UGT1A8: variants seen among roughly 807,000 people sequenced by gnomAD.
UGT1A8 encodes the protein UDP-glucuronosyltransferase 1A8.
In UGT1A8, 39 loss-of-function variants were observed where a neutral mutation model predicts 45.3. That is an observed-to-expected ratio of 0.86 (90% CI 0.67 to 1.12). The LOEUF (loss-of-function observed/expected upper bound fraction) is 1.12, where lower values mean the gene tolerates loss of function less well. Among genes scored for constraint, UGT1A8 ranks in the 50% most tolerant of loss-of-function variants. The pLI, the probability that UGT1A8 is intolerant of heterozygous loss-of-function variation, is 0.00. For missense variants in UGT1A8, 719 were observed against 664.9 expected, an observed-to-expected ratio of 1.08 and a Z score of -0.90; for synonymous variants, 275 against 249.2, an observed-to-expected ratio of 1.10 and a Z score of -0.97.
rs192251895 is a variant in UGT1A8 at position 233,655,592 on chromosome 2, G to A, written c.855+37030G>A. The stretch of plus-strand genomic sequence containing the variant: ...GTCCTAGAAAAACTGTTAGAAAGAA[G>A]GGAAACTGTCTAGTGTGTTTCGCCA... On this transcript the variant is annotated intron_variant, in intron 1 of 4. Coordinates refer to ENST00000373450, the MANE Select transcript of UGT1A8 (RefSeq NM_019076.5). Among the ~76,000 whole-genome samples, 1,163 of 152,266 alleles carry A rather than the reference G, an allele frequency of 7.6e-3. 6 individuals are homozygous for A. Among genetic ancestry groups the A allele is most frequent in the Non-Finnish European group, 8.8e-3 (599 of 68,016 alleles).
At chr2:233,620,693 G>T (rs955812322) in intron 1 of UGT1A8, among the ~76,000 whole-genome samples, 1 of 152,162 alleles carries the variant, frequency 6.6e-6, no homozygotes, top group African/African-American at 2.4e-5. Flanking sequence ...TATGCATAAA[G>T]CCAGCAGAAT....
intron 1 of UGT1A8, among the ~76,000 whole-genome samples, chr2:233,749,910 CTG>C: frequency 6.6e-6 from 1 of 152,052 alleles, no homozygotes; most frequent in Non-Finnish European, 1.5e-5. Context: ...CCACCTGGAA[CTG>C]TGAGTCAATT....
intron 1 of UGT1A8, among the ~76,000 whole-genome samples, chr2:233,702,957 A>G (rs1394340118): frequency 6.6e-6 from 1 of 152,176 alleles, no homozygotes; most frequent in East Asian, 1.9e-4. Flanking sequence ...TCTGAATATT[A>G]CTGGCCTTGT....
At chr2:233,630,194 T>A (rs1410501732) in intron 1 of UGT1A8, among the ~76,000 whole-genome samples, 1 of 152,116 alleles carries the variant, frequency 6.6e-6, no homozygotes, top group African/African-American at 2.4e-5. Flanking sequence ...GGGAGGTAGA[T>A]CACTGACCAT....
intron 1 of UGT1A8, chr2:233,756,419 A>G (rs760544825): frequency 6.6e-6 from 1 of 151,366 alleles, no homozygotes; most frequent in Non-Finnish European, 1.5e-5. Context: ...TATTATTTGT[A>G]CTGTTTTTTT....
intron 1 of UGT1A8, among the ~76,000 whole-genome samples, chr2:233,756,741 C>T (rs1366742518): frequency 6.6e-6 from 1 of 152,100 alleles, no homozygotes; most frequent in Admixed American, 6.6e-5. Context: ...TTCACCTCCT[C>T]CTTATTCTCT....
intron 1 of UGT1A8, among the ~76,000 whole-genome samples, chr2:233,673,160 G>A (rs1042017198): frequency 6.6e-6 from 1 of 152,050 alleles, no homozygotes; most frequent in African/African-American, 2.4e-5. Flanking sequence ...TTTTAAAAAA[G>A]TACTTTAGGT....
intron 1 of UGT1A8, among the ~76,000 whole-genome samples, chr2:233,766,527 C>T (rs182363342): frequency 4.6e-5 from 7 of 152,118 alleles, no homozygotes; most frequent in Non-Finnish European, 7.3e-5. Context: ...AACATTTAGG[C>T]AGGAAAACAA....
chr2:233,772,895 C>T lies in UGT1A8; in HGVS notation c.*336C>T. 1 of 493,846 alleles carries T rather than the reference C, an allele frequency of 2.0e-6. No homozygotes were observed. The highest frequency in any genetic ancestry group is 3.3e-6 in the Non-Finnish European group (1 of 304,584). 30.6% of individuals were successfully genotyped at this position (493,846 alleles called of 1,614,324 possible). A position where few individuals can be genotyped will look rare whatever the true frequency, so the allele number is the denominator to read the frequency against. ...GGAGTGCGGGATTCAAAGGTGGTCC[C>T]ACGGCTGCCCCTACTGCAAATGGCA... On this transcript the variant is annotated 3_prime_UTR_variant, in exon 5 of 5. Transcript: ENST00000373450.
rs755797385 is a variant in UGT1A8 at position 233,618,510 on chromosome 2, A to G, written c.803A>G (p.Asn268Ser). 6.8e-6 allele frequency: 11 copies of G among 1,613,820 alleles called. No homozygotes were observed. The highest frequency in any genetic ancestry group is 3.3e-5 in the South Asian group (3 of 91,070). Residue 268 changes from asparagine to serine, a missense_variant, in exon 1 of 5, where the codon AAT becomes AGT. Coordinates refer to ENST00000373450, the MANE Select transcript of UGT1A8 (RefSeq NM_019076.5). ...GACTATCCCAAACCCGTGATGCCCA[A>G]TATGATCTTCATTGGTGGTATCAAC... ...VLDYPKPVMP[N>S]MIFIGGINCH...
chr2:233,710,157 C>G (rs2076114557), intron 1 of UGT1A8, among the ~76,000 whole-genome samples: 1 of 152,134 alleles, frequency 6.6e-6, no homozygotes, highest in Non-Finnish European at 1.5e-5. Flanking sequence ...TCATCATTTG[C>G]TTATGCATTT....
chr2:233,771,951 C>T (rs1331596370), intron 4 of UGT1A8, among the ~76,000 whole-genome samples: 1 of 152,070 alleles, frequency 6.6e-6, no homozygotes, highest in African/African-American at 2.4e-5. Context: ...CTTGTTTCTA[C>T]AAAAAATTTA....
chr2:233,676,294 A>G (rs763772533), intron 1 of UGT1A8, among the ~76,000 whole-genome samples: 16 of 152,150 alleles, frequency 1.1e-4, no homozygotes, highest in Non-Finnish European at 2.2e-4. Flanking sequence ...GGTCCTGCAA[A>G]TATTTTCTCA....
At chr2:233,684,956 TGAAAA>T (rs72373468) in intron 1 of UGT1A8, among the ~76,000 whole-genome samples, 42,574 of 151,734 alleles carry the variant, frequency 0.28, 6,430 homozygotes, top group South Asian at 0.4. Context: ...ATCTGTCTGA[TGAAAA>T]GAAAGCATTG....
chr2:233,652,678 G>A (rs1364937723), intron 1 of UGT1A8, among the ~76,000 whole-genome samples: 5 of 152,126 alleles, frequency 3.3e-5, no homozygotes, highest in Admixed American at 2.6e-4. Context: ...TACATCCTTG[G>A]CCAATTGATT....
At chr2:233,732,080 C>A (rs1261829762) in intron 1 of UGT1A8, among the ~76,000 whole-genome samples, 1 of 152,166 alleles carries the variant, frequency 6.6e-6, no homozygotes, top group Non-Finnish European at 1.5e-5. Context: ...GCATAAATGT[C>A]TTCTTTTGAG....
intron 1 of UGT1A8, among the ~76,000 whole-genome samples, chr2:233,683,390 T>C (rs961158965): frequency 2.0e-5 from 3 of 152,206 alleles, no homozygotes; most frequent in Non-Finnish European, 2.9e-5. Flanking sequence ...TTAAGATTGA[T>C]AGAGATTTAA....
At chr2:233,696,505 A>C (rs2075346896) in intron 1 of UGT1A8, among the ~76,000 whole-genome samples, 1 of 152,168 alleles carries the variant, frequency 6.6e-6, no homozygotes, top group South Asian at 2.1e-4. Context: ...TTTGCTTGTC[A>C]GTTCTAACAG....
At chr2:233,677,168 A>G (rs1229687116) in intron 1 of UGT1A8, among the ~76,000 whole-genome samples, 1 of 152,184 alleles carries the variant, frequency 6.6e-6, no homozygotes, top group Non-Finnish European at 1.5e-5. Flanking sequence ...GAGTTTTCCA[A>G]TTCATTAACA....
Sources: allele counts gnomAD v4.1 joint callset (sites outside exome capture counted in the v4.1 genomes callset), GRCh38; gene constraint gnomAD v4.1.1; transcripts MANE v1.5; gene names NCBI Gene and HGNC (gene_info 2026-07-23, HGNC 2026-07-21).